DRC9: variants seen among roughly 807,000 people sequenced by gnomAD.
DRC9 encodes the protein dynein regulatory complex subunit 9.
the DRC9 span, among the ~76,000 whole-genome samples, chr3:197,924,148 G>C: frequency 6.6e-6 from 1 of 151,928 alleles, no homozygotes; most frequent in African/African-American, 2.4e-5. Flanking sequence ...CTGAGGTCAG[G>C]AGTTTGAGAC....
the DRC9 span, chr3:197,913,655 C>A: frequency 1.6e-6 from 1 of 609,514 alleles, no homozygotes; most frequent in Non-Finnish European, 2.9e-6. Context: ...AGCCAATTTT[C>A]AAAGTCATTA....
the DRC9 span, chr3:197,958,371 C>T: frequency 1.6e-4 from 25 of 152,204 alleles, 1 homozygote; most frequent in Admixed American, 1.5e-3. Context: ...CCAGCATAAA[C>T]AAGGGAAAAT....
At chr3:197,906,437 C>CTTT in the DRC9 span, 1 of 145,336 alleles carries the variant, frequency 6.9e-6, no homozygotes, top group Non-Finnish European at 1.5e-5. Context: ...AACTGTTTTT[C>CTTT]TTTTTTTTTT....
chr3:197,890,468 T>C, the DRC9 span, among the ~76,000 whole-genome samples: 3 of 152,186 alleles, frequency 2.0e-5, no homozygotes, highest in African/African-American at 4.8e-5. Flanking sequence ...CTTGTGCATT[T>C]CATATCTTTA....
chr3:197,926,209 C>G, the DRC9 span: 1 of 670,694 alleles, frequency 1.5e-6, no homozygotes, highest in Non-Finnish European at 2.7e-6. Context: ...GGCCTCTTCC[C>G]CCAGAGAATC....
At chr3:197,891,450 A>G in the DRC9 span, 2 of 1,553,518 alleles carry the variant, frequency 1.3e-6, no homozygotes, top group East Asian at 2.2e-5. Context: ...CTTTACCTTT[A>G]TAACGCTCTT....
At chr3:197,889,473 G>GA in the DRC9 span, 1 of 1,307,974 alleles carries the variant, frequency 7.6e-7, no homozygotes, top group Non-Finnish European at 1.1e-6. Context: ...GTCTCAATAG[G>GA]AAACAACCTG....
chr3:197,947,424 C>G, the DRC9 span, among the ~76,000 whole-genome samples: 1 of 152,156 alleles, frequency 6.6e-6, no homozygotes, highest in Non-Finnish European at 1.5e-5. Flanking sequence ...ATGATCTGGG[C>G]CCCTCTGTTC....
chr3:197,914,203 G>A, the DRC9 span, among the ~76,000 whole-genome samples: 1 of 152,212 alleles, frequency 6.6e-6, no homozygotes, highest in African/African-American at 2.4e-5. Context: ...ATCATGAAGT[G>A]TATAGATGAA....
At chr3:197,926,434 G>C in the DRC9 span, among the ~76,000 whole-genome samples, 3 of 152,200 alleles carry the variant, frequency 2.0e-5, no homozygotes, top group Non-Finnish European at 4.4e-5. Context: ...AGCAAGAGGA[G>C]AAAGAAGAAT....
chr3:197,935,767 G>A, the DRC9 span, among the ~76,000 whole-genome samples: 472 of 152,030 alleles, frequency 3.1e-3, 4 homozygotes, highest in Middle Eastern at 0.01. Flanking sequence ...ACAGGTGTGA[G>A]CCACCGCCTG....
chr3:197,920,070 G>T, the DRC9 span, among the ~76,000 whole-genome samples: 1 of 151,496 alleles, frequency 6.6e-6, no homozygotes, highest in African/African-American at 2.4e-5. Context: ...TTAGCCAAGT[G>T]TGGTGGCGTG....
At chr3:197,944,158 T>C in the DRC9 span, 1 of 937,324 alleles carries the variant, frequency 1.1e-6, no homozygotes, top group Non-Finnish European at 1.6e-6. Context: ...ATTCACATCG[T>C]CGTATAATAG....
the DRC9 span, among the ~76,000 whole-genome samples, chr3:197,899,792 G>T: frequency 7.9e-5 from 12 of 152,050 alleles, no homozygotes; most frequent in Admixed American, 3.3e-4. Flanking sequence ...GTACAAAAAA[G>T]CACCTTCATA....
chr3:197,904,664 C>A, the DRC9 span, among the ~76,000 whole-genome samples: 1 of 152,006 alleles, frequency 6.6e-6, no homozygotes, highest in South Asian at 2.1e-4. Context: ...AGTTTGAGAA[C>A]AGCCTGGCCA....
At chr3:197,942,839 C>T in the DRC9 span, among the ~76,000 whole-genome samples, 17 of 145,044 alleles carry the variant, frequency 1.2e-4, no homozygotes, top group East Asian at 4.1e-4. Flanking sequence ...ACCCGGGAGG[C>T]GGAGGTTGCG....
chr3:197,934,748 G>A, the DRC9 span, among the ~76,000 whole-genome samples: 2 of 150,852 alleles, frequency 1.3e-5, no homozygotes, highest in Non-Finnish European at 2.9e-5. Flanking sequence ...CAGGAGGATC[G>A]CTTGAGTCCA....
the DRC9 span, chr3:197,926,135 G>T: frequency 7.8e-7 from 1 of 1,281,404 alleles, no homozygotes; most frequent in Non-Finnish European, 1.1e-6. Context: ...TTTGTGTTTA[G>T]AGCAGTGCTT....
At chr3:197,907,716 G>A in the DRC9 span, among the ~76,000 whole-genome samples, 7 of 149,980 alleles carry the variant, frequency 4.7e-5, no homozygotes, top group African/African-American at 7.4e-5. Context: ...AGAGTGAGCC[G>A]TTTCCAAGGC....
Sources: allele counts gnomAD v4.1 joint callset (sites outside exome capture counted in the v4.1 genomes callset), GRCh38; gene constraint gnomAD v4.1.1; transcripts MANE v1.5; gene names NCBI Gene and HGNC (gene_info 2026-07-23, HGNC 2026-07-21).